BBX: variants seen among roughly 807,000 people sequenced by gnomAD.
BBX encodes the protein HMG box transcription factor BBX.
Under a neutral mutation model 100.2 loss-of-function variants are expected in BBX, and 30 were observed. That is an observed-to-expected ratio of 0.30 (90% CI 0.22 to 0.41). The LOEUF (loss-of-function observed/expected upper bound fraction) is 0.41, where lower values mean the gene tolerates loss of function less well. BBX is among the 10% of genes least tolerant of loss of function. The pLI is 1.00. For missense variants in BBX, 1,023 were observed against 1,129.8 expected (o/e 0.91, Z 1.35); for synonymous variants, 376 against 388.1 (o/e 0.97, Z 0.37).
At position 107,801,104 on chromosome 3, in the gene BBX, C is replaced by G; in HGVS notation, c.2561C>G (p.Pro854Arg). ...SPAGGTLDDKPKEQLQRSLPK... is the reference protein window; with the variant it reads ...SPAGGTLDDKRKEQLQRSLPK... Reference sequence around the variant, plus strand: ...TTCTCTTTTGTTACAGATGACAAACCAAAGGAACAACTGCAGAGGAGTCTC... The same window carrying G: ...TTCTCTTTTGTTACAGATGACAAACGAAAGGAACAACTGCAGAGGAGTCTC... Residue 854 changes from proline to arginine, a missense_variant, in exon 17 of 18, where the codon CCA becomes CGA. Around this residue, in one of 9 missense-constraint regions of BBX, gnomAD observed 104 missense variants for 132.2 expected, o/e 0.79. Transcript: ENST00000325805. The G allele has an allele frequency of 6.2e-7, 1 of 1,613,848 alleles. No individual in the cohort carries two copies. Among genetic ancestry groups the G allele is most frequent in the South Asian group, 1.1e-5 (1 of 91,064 alleles).
chr3:107,717,406 T>C (rs2107384885), intron 5 of BBX, among the ~76,000 whole-genome samples: 1 of 152,262 alleles, frequency 6.6e-6, no homozygotes, highest in East Asian at 1.9e-4. Context: ...CCTAATGTTA[T>C]TGGAATGAGA....
chr3:107,547,840 C>G (rs960364945), intron 2 of BBX, among the ~76,000 whole-genome samples: 1 of 151,814 alleles, frequency 6.6e-6, no homozygotes, highest in Non-Finnish European at 1.5e-5. Flanking sequence ...AATTTTGAGA[C>G]TGAGACTTTG....
chr3:107,643,449 A>T (rs543994657), intron 2 of BBX, among the ~76,000 whole-genome samples: 2 of 152,152 alleles, frequency 1.3e-5, no homozygotes, highest in South Asian at 4.2e-4. Flanking sequence ...AGAGGCCTTG[A>T]AAAGGGAAAG....
chr3:107,588,128 G>C (rs2053005936), intron 2 of BBX, among the ~76,000 whole-genome samples: 1 of 152,128 alleles, frequency 6.6e-6, no homozygotes, highest in African/African-American at 2.4e-5. Context: ...CTGGTGACTA[G>C]AGCAGTATCT....
chr3:107,803,439 CA>C, intron 17 of BBX, among the ~76,000 whole-genome samples: 1 of 152,240 alleles, frequency 6.6e-6, no homozygotes, highest in East Asian at 1.9e-4. Context: ...ACTTCAGCAT[CA>C]ACTCGGTTCA....
chr3:107,590,355 AT>A (rs1268673551), intron 2 of BBX, among the ~76,000 whole-genome samples: 2 of 152,234 alleles, frequency 1.3e-5, no homozygotes, highest in Non-Finnish European at 2.9e-5. Context: ...TAGTTGGGAT[AT>A]CACCTCAAAC....
intron 13 of BBX, among the ~76,000 whole-genome samples, chr3:107,789,096 G>T (rs2068719843): frequency 6.6e-6 from 1 of 152,096 alleles, no homozygotes; most frequent in Non-Finnish European, 1.5e-5. Flanking sequence ...AGAGCATGTA[G>T]TTGCAGCTGT....
At position 107,806,146 on chromosome 3, in the gene BBX, A is replaced by C. The variant is rs1008286173; in HGVS notation, c.*689A>C. On this transcript the variant is annotated 3_prime_UTR_variant, in exon 18 of 18. Coordinates refer to ENST00000325805, the MANE Select transcript of BBX (RefSeq NM_001142568.3). ...AAAAAAAAAAAGAGAGAGAGAAAAAATTACAACTCTTACAATCTGAATTTT... is the reference window on the plus strand; with the variant it reads ...AAAAAAAAAAAGAGAGAGAGAAAAACTTACAACTCTTACAATCTGAATTTT... 6.6e-6 allele frequency: 1 copy of C among 151,076 alleles called. No homozygotes were observed. The highest frequency in any genetic ancestry group is 1.5e-5 in the Non-Finnish European group (1 of 67,846). 9.4% of individuals were successfully genotyped at this position (151,076 alleles called of 1,614,324 possible).
At chr3:107,776,634 A>G (rs2067342558) in intron 12 of BBX, among the ~76,000 whole-genome samples, 1 of 152,180 alleles carries the variant, frequency 6.6e-6, no homozygotes, top group Non-Finnish European at 1.5e-5. Flanking sequence ...AAAATGTGCT[A>G]CCTGTTAACT....
chr3:107,771,790 G>A (rs1391489451), intron 10 of BBX, among the ~76,000 whole-genome samples: 1 of 152,092 alleles, frequency 6.6e-6, no homozygotes, highest in African/African-American at 2.4e-5. Context: ...AAAACCTTCT[G>A]TAATTGTTTA....
At chr3:107,707,480 G>A (rs750232633) in intron 3 of BBX, among the ~76,000 whole-genome samples, 19 of 152,164 alleles carry the variant, frequency 1.2e-4, no homozygotes, top group Non-Finnish European at 2.4e-4. Flanking sequence ...GATCTGATGT[G>A]CCAGGATGTT....
intron 2 of BBX, among the ~76,000 whole-genome samples, chr3:107,536,379 T>G (rs1208001171): frequency 1.3e-5 from 2 of 152,206 alleles, no homozygotes; most frequent in African/African-American, 4.8e-5. Flanking sequence ...TAAAACTGGC[T>G]TTTCTTTTAC....
intron 3 of BBX, among the ~76,000 whole-genome samples, chr3:107,651,749 T>C (rs961838645): frequency 6.6e-6 from 1 of 152,192 alleles, no homozygotes; most frequent in Non-Finnish European, 1.5e-5. Flanking sequence ...ACTTAATTAT[T>C]GTCCTGTCTC....
intron 3 of BBX, among the ~76,000 whole-genome samples, chr3:107,708,779 ATAG>A (rs1309868428): frequency 2.0e-5 from 3 of 152,168 alleles, no homozygotes; most frequent in Non-Finnish European, 4.4e-5. Context: ...CTTTTCATCA[ATAG>A]TAGACTCAGT....
intron 3 of BBX, among the ~76,000 whole-genome samples, chr3:107,666,992 A>G (rs1329392107): frequency 6.6e-6 from 1 of 152,238 alleles, no homozygotes; most frequent in Non-Finnish European, 1.5e-5. Flanking sequence ...AAGCCAGACT[A>G]TCTGTGAGAA....
chr3:107,769,247 A>G (rs1353604284), intron 10 of BBX, among the ~76,000 whole-genome samples: 1 of 151,536 alleles, frequency 6.6e-6, no homozygotes, highest in Non-Finnish European at 1.5e-5. Context: ...GATAGGATAG[A>G]TAGATAATCT....
chr3:107,683,185 T>C (rs960192028), intron 3 of BBX, among the ~76,000 whole-genome samples: 2 of 152,182 alleles, frequency 1.3e-5, no homozygotes, highest in Non-Finnish European at 2.9e-5. Flanking sequence ...TAAATGCATT[T>C]AATGGAAAAT....
chr3:107,622,189 G>A (rs543887831), intron 2 of BBX, among the ~76,000 whole-genome samples: 14 of 152,254 alleles, frequency 9.2e-5, no homozygotes, highest in East Asian at 1.9e-4. Flanking sequence ...ACGGTGTCAC[G>A]TGGTATACAA....
chr3:107,732,912 T>C, intron 6 of BBX, 44 bp from the exon 7 acceptor site: 1 of 1,485,332 alleles, frequency 6.7e-7, no homozygotes, highest in Admixed American at 1.7e-5. Flanking sequence ...GGATTGTATG[T>C]ACTTTATGCT....
Sources: gnomAD v4.1 joint callset for allele counts (sites outside exome capture counted in the v4.1 genomes callset) on GRCh38, gnomAD v4.1.1 for gene constraint, gnomAD v4.1.1 regional missense constraint, MANE v1.5 for transcripts, NCBI Gene and HGNC (gene_info 2026-07-23, HGNC 2026-07-21) for gene names.